NDST3: variants seen among roughly 807,000 people sequenced by gnomAD.
NDST3 encodes the protein bifunctional heparan sulfate N-deacetylase/N-sulfotransferase 3.
In NDST3, 58 loss-of-function variants were observed where a neutral mutation model predicts 96.1. That is an observed-to-expected ratio of 0.60 (90% CI 0.49 to 0.75). NDST3 has a LOEUF of 0.75. Ranked by LOEUF, NDST3 falls within the 30% of genes least tolerant of loss-of-function variation. The pLI is 0.00. For synonymous variants in NDST3, 333 were observed against 359.7 expected (o/e 0.93, Z 0.84); for missense variants, 788 against 1,034.2 (o/e 0.76, Z 3.27).
intron 6 of NDST3, among the ~76,000 whole-genome samples, chr4:118,151,395 A>T (rs1268178898): frequency 1.3e-5 from 2 of 149,718 alleles, no homozygotes; most frequent in Admixed American, 6.6e-5. Flanking sequence ...AATAATAATA[A>T]AAAAAAGAAA....
chr4:118,214,074 G>A (rs1301300350), intron 6 of NDST3, among the ~76,000 whole-genome samples: 1 of 151,890 alleles, frequency 6.6e-6, no homozygotes, highest in Admixed American at 6.6e-5. Context: ...AAAGAGCAGT[G>A]GAGATACAAA....
At chr4:118,209,580 C>T (rs897921181) in intron 6 of NDST3, among the ~76,000 whole-genome samples, 1 of 152,076 alleles carries the variant, frequency 6.6e-6, no homozygotes. Context: ...ATCTTTAGCT[C>T]GTAATAAAAG....
At chr4:118,189,223 G>T (rs911007067) in intron 6 of NDST3, among the ~76,000 whole-genome samples, 2 of 151,966 alleles carry the variant, frequency 1.3e-5, no homozygotes, top group Non-Finnish European at 2.9e-5. Context: ...CTAAGTTTTT[G>T]TATTTTTAGT....
At chr4:118,124,314 A>G (rs1731859740) in intron 4 of NDST3, among the ~76,000 whole-genome samples, 1 of 152,090 alleles carries the variant, frequency 6.6e-6, no homozygotes, top group Non-Finnish European at 1.5e-5. Flanking sequence ...GAGGAGTCTT[A>G]GTTTACCTTG....
chr4:118,112,022 T>A (rs1730683398), intron 3 of NDST3, among the ~76,000 whole-genome samples: 2 of 152,126 alleles, frequency 1.3e-5, no homozygotes, highest in South Asian at 4.1e-4. Flanking sequence ...TTCAATGTAA[T>A]TCTAATGTAA....
intron 4 of NDST3, among the ~76,000 whole-genome samples, chr4:118,123,905 T>C (rs1731819850): frequency 6.6e-6 from 1 of 152,196 alleles, no homozygotes; most frequent in Non-Finnish European, 1.5e-5. Context: ...TAAAGCCAAG[T>C]ATGCTACCTT....
At chr4:118,225,105 G>C (rs891441780) in intron 7 of NDST3, among the ~76,000 whole-genome samples, 5 of 152,130 alleles carry the variant, frequency 3.3e-5, no homozygotes, top group African/African-American at 1.2e-4. Flanking sequence ...TCTGAACCAC[G>C]AGGTACACCA....
chr4:118,248,136 A>C (rs1032636149), intron 12 of NDST3, among the ~76,000 whole-genome samples: 1 of 152,172 alleles, frequency 6.6e-6, no homozygotes, highest in African/African-American at 2.4e-5. Context: ...GGATCACCTG[A>C]GGTCAGGAGT....
intron 3 of NDST3, among the ~76,000 whole-genome samples, chr4:118,108,897 GAAC>G (rs35294396): frequency 0.52 from 79,598 of 151,652 alleles, 25,087 homozygotes; most frequent in East Asian, 0.74. Flanking sequence ...TAACAACTGG[GAAC>G]CTCATGATTA....
chr4:118,066,232 A>T (rs1261706386), intron 2 of NDST3, among the ~76,000 whole-genome samples: 5 of 64,264 alleles, frequency 7.8e-5, no homozygotes, highest in African/African-American at 2.5e-4. Context: ...TATTATATAT[A>T]TTATATATTA....
intron 13 of NDST3, among the ~76,000 whole-genome samples, chr4:118,255,252 A>G (rs1203275378): frequency 1.3e-5 from 2 of 152,158 alleles, no homozygotes; most frequent in African/African-American, 4.8e-5. Context: ...AGTAATCCAT[A>G]TTGGGTTTAT....
At chr4:118,039,597 A>G (rs924767585) in intron 1 of NDST3, among the ~76,000 whole-genome samples, 1 of 152,226 alleles carries the variant, frequency 6.6e-6, no homozygotes, top group Non-Finnish European at 1.5e-5. Flanking sequence ...CTACAGAGGT[A>G]AAGTAGAGAG....
At chr4:118,189,562 T>C (rs1737171149) in intron 6 of NDST3, among the ~76,000 whole-genome samples, 1 of 152,132 alleles carries the variant, frequency 6.6e-6, no homozygotes, top group Non-Finnish European at 1.5e-5. Context: ...TTAACACAAA[T>C]ATGATTATAA....
At chr4:118,160,613 A>G (rs1034012333) in intron 6 of NDST3, among the ~76,000 whole-genome samples, 1 of 152,190 alleles carries the variant, frequency 6.6e-6, no homozygotes, top group African/African-American at 2.4e-5. Flanking sequence ...GCTTCATTTC[A>G]TTCATTTCAT....
chr4:118,226,781 C>T, intron 7 of NDST3, 105 bp from the exon 8 acceptor site: 1 of 748,640 alleles, frequency 1.3e-6, no homozygotes, highest in African/African-American at 1.8e-5. Flanking sequence ...ATTTTTTATC[C>T]CAGCGTTTCC....
intron 6 of NDST3, among the ~76,000 whole-genome samples, chr4:118,169,618 AC>A (rs1318051158): frequency 8.0e-5 from 12 of 150,162 alleles, no homozygotes; most frequent in Middle Eastern, 3.4e-3. Flanking sequence ...ACATGGCAAA[AC>A]CCCGTCTTTA....
At chr4:118,235,199 C>T (rs1479967446) in intron 9 of NDST3, among the ~76,000 whole-genome samples, 2 of 152,112 alleles carry the variant, frequency 1.3e-5, no homozygotes, top group Non-Finnish European at 2.9e-5. Flanking sequence ...CAGGCATTTG[C>T]TTTTAACCCT....
rs552513539 is a variant in NDST3 at position 118,148,687 on chromosome 4, T to C, written c.1539+5003T>C. Among the ~76,000 whole-genome samples the C allele has an allele frequency of 1.4e-4, 21 of 152,162 alleles. 1 individual carries two copies. In the South Asian group the frequency reaches 3.3e-3, roughly 24 times the overall value. ...AAAAAGAAATTAACCCACATTGAAA[T>C]TGAAAAAAAATACTGTAATTTTATA... On this transcript the variant is annotated intron_variant, in intron 6 of 13. Transcript: ENST00000296499.
At chr4:118,060,410 TC>T (rs1474382225) in intron 2 of NDST3, among the ~76,000 whole-genome samples, 1 of 152,152 alleles carries the variant, frequency 6.6e-6, no homozygotes, top group Non-Finnish European at 1.5e-5. Context: ...TATATCTTAC[TC>T]CTTTTTTATA....
Sources: allele counts gnomAD v4.1 joint callset (sites outside exome capture counted in the v4.1 genomes callset), GRCh38; gene constraint gnomAD v4.1.1; transcripts MANE v1.5; gene names NCBI Gene and HGNC (gene_info 2026-07-23, HGNC 2026-07-21).